DLG2: variants seen among roughly 807,000 people sequenced by gnomAD.
The protein encoded by DLG2 is discs large MAGUK scaffold protein 2, also known as disks large homolog 2.
A neutral mutation model predicts 132.5 loss-of-function variants in DLG2; 45 were observed. The observed-to-expected ratio is 0.34, with a 90% confidence interval of 0.27 to 0.44. The LOEUF is 0.44. DLG2 is among the 20% of genes least tolerant of loss of function. The probability of loss-of-function intolerance (pLI) is 1.00; values close to 1 mark genes in which losing one functional copy is unlikely to be tolerated. For missense variants in DLG2, 1,045 were observed against 1,196.9 expected (o/e 0.87, Z 1.87); for synonymous variants, 424 against 419.6 (o/e 1.01, Z -0.13).
chr11:83,791,582 G>T (rs1360672172), intron 17 of DLG2: 1 of 464,200 alleles, frequency 2.2e-6, no homozygotes, highest in Non-Finnish European at 4.0e-6. Flanking sequence ...TCTTCATTAT[G>T]ACTAGTTACC....
At chr11:84,881,243 G>T (rs998134811) in intron 6 of DLG2, among the ~76,000 whole-genome samples, 14 of 152,070 alleles carry the variant, frequency 9.2e-5, no homozygotes, top group Admixed American at 2.6e-4. Flanking sequence ...ATAAGATTTG[G>T]TTTTGAAAAT....
chr11:85,200,760 C>A (rs957126002), intron 4 of DLG2, among the ~76,000 whole-genome samples: 10 of 152,158 alleles, frequency 6.6e-5, no homozygotes, highest in African/African-American at 2.4e-4. Context: ...GGTTCTCCAG[C>A]TTCCTTCCCA....
chr11:83,770,102 C>T (rs2094324073), intron 18 of DLG2, among the ~76,000 whole-genome samples: 1 of 149,780 alleles, frequency 6.7e-6, no homozygotes, highest in Admixed American at 6.6e-5. Flanking sequence ...TAAATTATCA[C>T]CAGGGCTGTG....
chr11:83,963,791 G>A lies in DLG2; in HGVS notation c.1202-768C>T, dbSNP rs574366059. Among the ~76,000 whole-genome samples, 6 of 152,032 alleles carry A rather than the reference G, an allele frequency of 3.9e-5. No homozygotes were observed. The South Asian group carries it at 1.2e-3, about 32-fold the overall frequency. On this transcript the variant is annotated intron_variant, in intron 13 of 27. Transcript: ENST00000376104. ...ACATAGGCTGTGCTTCCTGACATCTGTACCTTTGTTCCACTGTACCATCTA... is the reference window on the plus strand; with the variant it reads ...ACATAGGCTGTGCTTCCTGACATCTATACCTTTGTTCCACTGTACCATCTA...
intron 6 of DLG2, among the ~76,000 whole-genome samples, chr11:84,806,072 G>A (rs957879097): frequency 4.6e-5 from 7 of 152,128 alleles, no homozygotes; most frequent in Admixed American, 2.0e-4. Context: ...GATGGGTTCT[G>A]TAAATGAATA....
chr11:83,896,488 A>G (rs2154093709), intron 15 of DLG2, among the ~76,000 whole-genome samples: 1 of 152,366 alleles, frequency 6.6e-6, no homozygotes, highest in Middle Eastern at 3.4e-3. Context: ...TAATTTTGTG[A>G]AAGATGGACC....
intron 18 of DLG2, among the ~76,000 whole-genome samples, chr11:83,713,934 T>G (rs2086083095): frequency 6.6e-6 from 1 of 152,100 alleles, no homozygotes; most frequent in African/African-American, 2.4e-5. Context: ...AGCAGAGAAT[T>G]AGGTGGATGA....
At chr11:85,208,580 C>A (rs2082051371) in intron 4 of DLG2, among the ~76,000 whole-genome samples, 1 of 152,128 alleles carries the variant, frequency 6.6e-6, no homozygotes, top group African/African-American at 2.4e-5. Flanking sequence ...TGTGTTCTTT[C>A]CATTTAAGCC....
chr11:83,876,479 A>C (rs1429217872), intron 15 of DLG2, among the ~76,000 whole-genome samples: 1 of 152,080 alleles, frequency 6.6e-6, no homozygotes. Flanking sequence ...AAAATAAAAC[A>C]TTTTCTATTA....
intron 19 of DLG2, among the ~76,000 whole-genome samples, chr11:83,582,146 G>A (rs1289812977): frequency 1.3e-5 from 2 of 151,690 alleles, no homozygotes; most frequent in Non-Finnish European, 2.9e-5. Context: ...AGTAGAGGCG[G>A]GGTTTCTCCA....
chr11:85,346,945 T>A (rs1015055488), intron 3 of DLG2, among the ~76,000 whole-genome samples: 3 of 151,998 alleles, frequency 2.0e-5, no homozygotes, highest in African/African-American at 7.3e-5. Context: ...ATGGAAGCTC[T>A]GGCCAAGGGT....
intron 6 of DLG2, among the ~76,000 whole-genome samples, chr11:85,068,163 G>C (rs1010953391): frequency 2.6e-5 from 4 of 151,950 alleles, no homozygotes; most frequent in African/African-American, 9.7e-5. Flanking sequence ...AAAATAATAA[G>C]AGCTATTTAT....
In DLG2 at chr11:84,516,378, T is replaced by G. The variant is rs192625804; in HGVS notation, c.519+18192A>C. 2.6e-5 allele frequency among the ~76,000 whole-genome samples: 4 copies of G among 151,496 alleles called. No individual in the cohort carries two copies. In the East Asian group the frequency reaches 7.7e-4, roughly 29 times the overall value. ...CAGAAGACTCAGATAAAGTCAAACA[T>G]GAAAAAGAAGATATTATAACTGATA... On this transcript the variant is annotated intron_variant, in intron 7 of 27. Coordinates refer to ENST00000376104, the MANE Select transcript of DLG2 (RefSeq NM_001142699.3).
At chr11:83,660,633 C>T (rs1311659303) in intron 18 of DLG2, among the ~76,000 whole-genome samples, 1 of 152,088 alleles carries the variant, frequency 6.6e-6, no homozygotes, top group Non-Finnish European at 1.5e-5. Context: ...TAATACGTCA[C>T]CTTGGTAACA....
intron 6 of DLG2, among the ~76,000 whole-genome samples, chr11:84,817,908 T>A (rs10898300): frequency 0.86 from 131,150 of 151,918 alleles, 58,090 homozygotes; most frequent in Middle Eastern, 0.98. Context: ...GGAAGAGGTC[T>A]TCTTCTGAGA....
chr11:83,684,593 C>T (rs1430902964), intron 18 of DLG2: 2 of 152,074 alleles, frequency 1.3e-5, no homozygotes, highest in African/African-American at 4.8e-5. Flanking sequence ...ACATGTGCTT[C>T]TAAACTGGTA....
chr11:85,084,211 A>G (rs2067608217), intron 6 of DLG2, among the ~76,000 whole-genome samples: 1 of 151,984 alleles, frequency 6.6e-6, no homozygotes, highest in African/African-American at 2.4e-5. Context: ...TGGATGAAAG[A>G]GAAGAGAAAG....
chr11:84,668,264 G>A (rs2099702007), intron 6 of DLG2, among the ~76,000 whole-genome samples: 2 of 152,042 alleles, frequency 1.3e-5, no homozygotes, highest in African/African-American at 4.8e-5. Flanking sequence ...ACATTCTAGG[G>A]TGACTCTACT....
intron 5 of DLG2, among the ~76,000 whole-genome samples, chr11:85,111,971 G>A (rs1328244946): frequency 2.0e-5 from 3 of 151,954 alleles, no homozygotes; most frequent in Non-Finnish European, 2.9e-5. Flanking sequence ...CTGGCACCAG[G>A]CTGTCTCAGC....
Sources: gnomAD v4.1 joint callset for allele counts (sites outside exome capture counted in the v4.1 genomes callset) on GRCh38, gnomAD v4.1.1 for gene constraint, MANE v1.5 for transcripts, NCBI Gene and HGNC (gene_info 2026-07-23, HGNC 2026-07-21) for gene names.